The following HOOK2 variants were observed in gnomAD, a reference collection of about 807,000 sequenced individuals.
HOOK2 encodes protein Hook homolog 2.
Under a neutral mutation model 111.9 loss-of-function variants are expected in HOOK2, and 108 were observed. The ratio of observed to expected loss-of-function variants is 0.96; its 90% CI spans 0.83 to 1.13. HOOK2 has a LOEUF of 1.13. Ranked by LOEUF, HOOK2 falls within the 50% of genes most tolerant of loss-of-function variation. The pLI, the probability that HOOK2 is intolerant of heterozygous loss-of-function variation, is 0.00. For missense variants in HOOK2, 978 were observed against 951.3 expected, an observed-to-expected ratio of 1.03 and a Z score of -0.37; for synonymous variants, 405 against 394.3, an observed-to-expected ratio of 1.03 and a Z score of -0.32.
intron 14 of HOOK2, among the ~76,000 whole-genome samples, chr19:12,766,934 G>A (rs562538464): frequency 4.6e-5 from 7 of 152,062 alleles, no homozygotes; most frequent in African/African-American, 1.4e-4. Flanking sequence ...CCACTATGTT[G>A]CCCAAGCTGC....
Position 12,771,434 on chromosome 19 carries a change from T to TC in HOOK2, c.562dup (p.Asp188GlyfsTer39). The stretch of plus-strand genomic sequence containing the variant: ...ATCCAGACAGCGCTGCTGTAATTCG[T>TC]CCCCCTCCTCAGCCTCCTCACTTAG... On this transcript the variant is annotated frameshift_variant, in exon 8 of 23. Transcript: ENST00000397668. LOFTEE classifies it high-confidence loss of function. 6.2e-7 allele frequency: 1 copy of TC among 1,613,318 alleles called. No individual in the cohort carries two copies. The highest frequency in any genetic ancestry group is 8.5e-7 in the Non-Finnish European group (1 of 1,179,740).
chr19:12,777,199 C>T (rs1415793866), upstream of HOOK2, among the ~76,000 whole-genome samples: 1 of 149,348 alleles, frequency 6.7e-6, no homozygotes, highest in African/African-American at 2.5e-5. Flanking sequence ...AAATGCCTGG[C>T]GCGATGGTTC....
intron 11 of HOOK2, among the ~76,000 whole-genome samples, chr19:12,768,976 T>A (rs998001345): frequency 1.3e-5 from 2 of 150,500 alleles, no homozygotes; most frequent in Non-Finnish European, 3.0e-5. Flanking sequence ...TTTTTTTTTT[T>A]TTTTTTCGAG....
intron 13 of HOOK2, 90 bp downstream of exon 13, chr19:12,767,726 C>T: frequency 8.0e-7 from 1 of 1,255,174 alleles, no homozygotes; most frequent in Admixed American, 2.1e-5. Context: ...CTAGCTCTGT[C>T]CCCAACCTAG....
Position 12,786,289 on chromosome 19 carries a change from C to T in HOOK2, n.42-12064G>A, listed in dbSNP as rs913697190. ...TTTGTGGGTTCTCGCCCTGGCCTGC[C>T]CACTGGCTGACTCACAGGCAGCCCC... is the stretch of plus-strand genomic sequence containing the variant. On this transcript the variant is annotated intron_variant and non_coding_transcript_variant, in intron 3 of 3. Coordinates refer to the HOOK2 transcript ENST00000589765. The surrounding 1 kb of genome is among the most constrained non-coding windows in gnomAD (Gnocchi z 4.3). Among the ~76,000 whole-genome samples the T allele has an allele frequency of 6.6e-6, 1 of 152,088 alleles. No homozygotes were observed. The highest frequency in any genetic ancestry group is 1.5e-5 in the Non-Finnish European group (1 of 67,990).
At chr19:12,772,004 T>C in intron 7 of HOOK2, 186 bp downstream of exon 7, 1 of 605,018 alleles carries the variant, frequency 1.7e-6, no homozygotes, top group Non-Finnish European at 3.0e-6. Flanking sequence ...CCCTGGAAGA[T>C]GGGCGTGGCT....
chr19:12,771,320 C>T lies in HOOK2; in HGVS notation c.601-1G>A. ...GCTTCTCCTCTGACAGGAGCATCAG[C>T]TGCGGGCAGGGCAGAAAGATGAGCT... is the stretch of plus-strand genomic sequence containing the variant. On this transcript the variant is annotated splice_acceptor_variant, in intron 8 of 22. Coordinates refer to ENST00000397668, the MANE Select transcript of HOOK2 (RefSeq NM_013312.3). LOFTEE classifies it high-confidence loss of function. 1 of 1,604,026 alleles carries T rather than the reference C, an allele frequency of 6.2e-7. No homozygotes were observed. Among genetic ancestry groups the T allele is most frequent in the Non-Finnish European group, 8.5e-7 (1 of 1,174,874 alleles).
At chr19:12,775,290 T>C in intron 1 of HOOK2, 115 bp downstream of exon 1, 1 of 1,490,272 alleles carries the variant, frequency 6.7e-7, no homozygotes, top group South Asian at 1.3e-5. Context: ...GTCCAGCAAG[T>C]CGACGACCCC....
At position 12,765,897 on chromosome 19, in the gene HOOK2, C is replaced by G. The variant is rs1599474023; in HGVS notation, c.1599+30G>C. ...GGTTACTTCGGGGCACAAGGGAGGG[C>G]CAGGCTGGGAGGTGGTGGGTGACAC... On this transcript the variant is annotated intron_variant, in intron 16 of 22. Coordinates refer to ENST00000397668, the MANE Select transcript of HOOK2 (RefSeq NM_013312.3). 7 of 1,612,704 alleles carry G rather than the reference C, an allele frequency of 4.3e-6. No individual in the cohort carries two copies. The East Asian group carries it at 1.6e-4, about 36-fold the overall frequency.
rs760436477 is a variant in HOOK2, at chr19:12,771,159, C to G, written c.761G>C (p.Arg254Thr). ...TGGCCCAGTCCCCAGCTGACCACAC[C>G]TGAAGTTCTCCTCCTGCAACTGCTC... ...QLEQLQEENF[R>T]LESGREDERL... The change falls in exon 9 of 23, where the codon AGG becomes ACG. Residue 254 changes from arginine (R) to threonine (T), a missense_variant and splice_region_variant. Transcript: ENST00000397668. 1.1e-5 allele frequency: 17 copies of G among 1,613,486 alleles called. No individual in the cohort carries two copies. Among genetic ancestry groups the G allele is most frequent in the Non-Finnish European group, 1.4e-5 (17 of 1,179,796 alleles).
chr19:12,765,614 T>A, intron 18 of HOOK2, 76 bp downstream of exon 18: 1 of 1,538,288 alleles, frequency 6.5e-7, no homozygotes, highest in Non-Finnish European at 9.0e-7. Flanking sequence ...CCAGGCATGG[T>A]GGCACATGCC....
At chr19:12,788,057 AAAACAAAC>A (rs542096751) in intron 3 of HOOK2, among the ~76,000 whole-genome samples, 149 of 152,272 alleles carry the variant, frequency 9.8e-4, no homozygotes, top group African/African-American at 3.4e-3. Context: ...TCCATCTCAA[AAAACAAAC>A]AAACAAACAA....
upstream of HOOK2, among the ~76,000 whole-genome samples, chr19:12,776,500 T>G (rs999132897): frequency 1.3e-5 from 2 of 150,736 alleles, no homozygotes; most frequent in Admixed American, 1.3e-4. Context: ...GCCAACATGG[T>G]GAAACCCCGT....
upstream of HOOK2, among the ~76,000 whole-genome samples, chr19:12,783,389 C>T (rs1362533361): frequency 6.6e-6 from 1 of 151,246 alleles, no homozygotes; most frequent in Admixed American, 6.6e-5. Flanking sequence ...CCAACCCCTC[C>T]TCCCAGCCCA....
chr19:12,771,531 A>G, intron 7 of HOOK2, 54 bp from the exon 8 acceptor site: 2 of 1,468,526 alleles, frequency 1.4e-6, no homozygotes, highest in Admixed American at 1.9e-5. Context: ...GGACGGGGGG[A>G]GGGAGGCTGA....
Position 12,775,100 on chromosome 19 carries a change from G to T in HOOK2, c.46-203C>A, listed in dbSNP as rs1310086487. 5.9e-6 allele frequency: 5 copies of T among 850,348 alleles called. No homozygotes were observed. The South Asian group carries it at 1.6e-4, about 27-fold the overall frequency. The allele number at this position is 850,348 out of a possible 1,614,324, so 52.7% of individuals were successfully genotyped here. A position where few individuals can be genotyped will look rare whatever the true frequency, so the allele number is the denominator to read the frequency against. Reference sequence around the variant, plus strand: ...ACCTCACCTCTGCCCAACAAACCCTGCGCGTCCAGGCCAGGGTGGTATCGC... The same window carrying T: ...ACCTCACCTCTGCCCAACAAACCCTTCGCGTCCAGGCCAGGGTGGTATCGC... On this transcript the variant is annotated intron_variant, in intron 1 of 22. Coordinates refer to ENST00000397668, the MANE Select transcript of HOOK2 (RefSeq NM_013312.3).
At position 12,769,946 on chromosome 19, in the gene HOOK2, G is replaced by A; in HGVS notation, c.1039C>T (p.Gln347Ter). 6.4e-7 allele frequency: 1 copy of A among 1,558,344 alleles called. No individual in the cohort carries two copies. Among genetic ancestry groups the A allele is most frequent in the Non-Finnish European group, 8.6e-7 (1 of 1,159,350 alleles). ...RNAGHAERTR[Q>*]LEDELRRAGS... The stretch of plus-strand genomic sequence containing the variant: ...GCTCGGCGTAGCTCATCCTCCAGTT[G>A]TCGCGTGCGCTCGGCGTGGCCGGCG... Residue 347 changes from glutamine to a stop codon, truncating the protein, a stop_gained, in exon 11 of 23, where the codon CAA becomes TAA. Coordinates refer to ENST00000397668, the MANE Select transcript of HOOK2 (RefSeq NM_013312.3). LOFTEE classifies it high-confidence loss of function.
At chr19:12,777,383 G>A (rs1475438732), upstream of HOOK2, among the ~76,000 whole-genome samples, 2 of 151,960 alleles carry the variant, frequency 1.3e-5, no homozygotes, top group Admixed American at 1.3e-4. Flanking sequence ...CAGAGGCTGA[G>A]GTGGGAGGAT....
At position 12,768,217 on chromosome 19, in the gene HOOK2, T is replaced by C. The variant is rs1485466477; in HGVS notation, c.1105-94A>G. ...GTCCCCGATCCAGGATGCTTTGACT[T>C]ATTATTTTTTTGACTTTACTATGGT... On this transcript the variant is annotated intron_variant, in intron 11 of 22. Transcript: ENST00000397668. 5 of 1,039,082 alleles carry C rather than the reference T, an allele frequency of 4.8e-6. No homozygotes were observed. In the African/African-American group the frequency reaches 8.0e-5, roughly 17 times the overall value. The allele number at this position is 1,039,082 out of a possible 1,614,324, so 64.4% of individuals were successfully genotyped here.
Sources: allele counts gnomAD v4.1 joint callset (sites outside exome capture counted in the v4.1 genomes callset), GRCh38; gene constraint gnomAD v4.1.1; non-coding constraint Gnocchi (gnomAD v3.1); transcripts MANE v1.5; gene names NCBI Gene and HGNC (gene_info 2026-07-23, HGNC 2026-07-21).